NRXN3: variants seen among roughly 807,000 people sequenced by gnomAD.
NRXN3 encodes neurexin III.
NRXN3 carries 32 observed loss-of-function variants against 137.6 expected under a neutral mutation model. The observed-to-expected ratio is 0.23, with a 90% CI of 0.18 to 0.31. The LOEUF is 0.31. Ranked by LOEUF, NRXN3 falls within the 10% of genes least tolerant of loss-of-function variation. The pLI, the probability that NRXN3 is intolerant of heterozygous loss-of-function variation, is 1.00. For missense variants in NRXN3, 1,574 were observed against 2,062.5 expected, an observed-to-expected ratio of 0.76 and a Z score of 4.59; for synonymous variants, 798 against 784.5, an observed-to-expected ratio of 1.02 and a Z score of -0.29.
At chr14:79,755,532 A>ATT (rs568489887) in intron 19 of NRXN3, among the ~76,000 whole-genome samples, 23 of 140,544 alleles carry the variant, frequency 1.6e-4, no homozygotes, top group African/African-American at 4.9e-4. Flanking sequence ...AATACCGAAG[A>ATT]TTTTTTTTTT....
intron 4 of NRXN3, among the ~76,000 whole-genome samples, chr14:78,452,233 A>G (rs1464908775): frequency 6.6e-6 from 1 of 152,240 alleles, no homozygotes; most frequent in African/African-American, 2.4e-5. Flanking sequence ...GTCTCAGCTC[A>G]CCAGTCACTA....
intron 6 of NRXN3, among the ~76,000 whole-genome samples, chr14:78,706,231 T>G (rs2152820368): frequency 6.6e-6 from 1 of 152,300 alleles, no homozygotes; most frequent in Middle Eastern, 3.4e-3. Context: ...CCAAAGTTTG[T>G]TTATGACAAA....
intron 8 of NRXN3, among the ~76,000 whole-genome samples, chr14:78,718,440 A>G (rs2098444421): frequency 1.3e-5 from 2 of 152,154 alleles, no homozygotes; most frequent in African/African-American, 4.8e-5. Context: ...AAAATAGACC[A>G]ATGACCCAAG....
At chr14:79,647,610 T>G (rs1433244133) in intron 16 of NRXN3, among the ~76,000 whole-genome samples, 1 of 135,700 alleles carries the variant, frequency 7.4e-6, no homozygotes, top group African/African-American at 2.5e-5. Flanking sequence ...TAGATTTTGT[T>G]GTTGAGCCAC....
intron 4 of NRXN3, among the ~76,000 whole-genome samples, chr14:78,348,616 T>A (rs2083070027): frequency 6.6e-6 from 1 of 152,168 alleles, no homozygotes. Flanking sequence ...CTGCGTATCA[T>A]TCTTTGGGGC....
intron 15 of NRXN3, among the ~76,000 whole-genome samples, chr14:79,277,056 G>A (rs1003117756): frequency 6.6e-6 from 1 of 152,146 alleles, no homozygotes; most frequent in African/African-American, 2.4e-5. Context: ...GTGCTGTCAA[G>A]GAAATAAAAC....
intron 10 of NRXN3, among the ~76,000 whole-genome samples, chr14:78,946,167 G>T (rs1428221852): frequency 6.6e-6 from 1 of 152,194 alleles, no homozygotes; most frequent in Non-Finnish European, 1.5e-5. Flanking sequence ...TATGACTATT[G>T]TCTGGTGGTC....
intron 4 of NRXN3, among the ~76,000 whole-genome samples, chr14:78,299,675 G>A (rs1251058469): frequency 6.6e-6 from 1 of 152,260 alleles, no homozygotes; most frequent in East Asian, 1.9e-4. Context: ...CACTGATGCA[G>A]CATGGATATC....
At chr14:79,156,155 C>G (rs10133147) in intron 15 of NRXN3, among the ~76,000 whole-genome samples, 1 of 151,752 alleles carries the variant, frequency 6.6e-6, no homozygotes, top group Non-Finnish European at 1.5e-5. Context: ...GTGCTTTACA[C>G]GGATACTCTA....
chr14:78,429,148 T>A (rs2093775471), intron 4 of NRXN3, among the ~76,000 whole-genome samples: 1 of 152,056 alleles, frequency 6.6e-6, no homozygotes, highest in Non-Finnish European at 1.5e-5. Context: ...TAATCTTGGC[T>A]CACTGCAACC....
intron 16 of NRXN3, among the ~76,000 whole-genome samples, chr14:79,627,077 C>T (rs1403691448): frequency 6.6e-6 from 1 of 152,120 alleles, no homozygotes; most frequent in Non-Finnish European, 1.5e-5. Context: ...AAGCACCTCT[C>T]CCTTGGTAAC....
At chr14:78,775,376 C>G (rs1220356168) in intron 8 of NRXN3, among the ~76,000 whole-genome samples, 1 of 152,196 alleles carries the variant, frequency 6.6e-6, no homozygotes, top group African/African-American at 2.4e-5. Context: ...ACTTGTCTAA[C>G]CTGTGGCCCA....
intron 4 of NRXN3, among the ~76,000 whole-genome samples, chr14:78,573,629 A>T (rs1410829350): frequency 1.3e-5 from 2 of 152,228 alleles, no homozygotes; most frequent in African/African-American, 4.8e-5. Flanking sequence ...CTAAGCAGCA[A>T]ATCATTCAAG....
intron 4 of NRXN3, among the ~76,000 whole-genome samples, chr14:78,591,113 A>G (rs1408829434): frequency 6.6e-6 from 1 of 152,166 alleles, no homozygotes; most frequent in African/African-American, 2.4e-5. Flanking sequence ...CTTAACAGGA[A>G]GTAGTGAGCT....
At chr14:79,543,797 C>T (rs1421928562) in intron 16 of NRXN3, among the ~76,000 whole-genome samples, 1 of 152,172 alleles carries the variant, frequency 6.6e-6, no homozygotes, top group Non-Finnish European at 1.5e-5. Context: ...ACTCAGCTGC[C>T]ACTGGATTAT....
rs190492397 is a variant in NRXN3, at chr14:78,641,823, T to C, written c.758-3297T>C. On this transcript the variant is annotated intron_variant, in intron 4 of 20. Transcript: ENST00000335750. ...CTTCTTCGGTATAGTTGCATGGAGA[T>C]TAGCATAAATATGCATGTGATTTGC... 5.9e-5 allele frequency among the ~76,000 whole-genome samples: 9 copies of C among 152,364 alleles called. No homozygotes were observed. The East Asian group carries it at 1.2e-3, about 20-fold the overall frequency.
At chr14:78,399,703 T>G (rs990318569) in intron 4 of NRXN3, among the ~76,000 whole-genome samples, 2 of 152,252 alleles carry the variant, frequency 1.3e-5, no homozygotes, top group African/African-American at 2.4e-5. Context: ...GCATTGGCTA[T>G]TTTTGACAGT....
intron 4 of NRXN3, among the ~76,000 whole-genome samples, chr14:78,371,750 C>T (rs557949537): frequency 1.2e-4 from 19 of 152,282 alleles, no homozygotes; most frequent in Admixed American, 3.3e-4. Flanking sequence ...AGCGAAGTGG[C>T]GAGACGGGCC....
chr14:79,327,791 T>C (rs115228442), intron 15 of NRXN3, among the ~76,000 whole-genome samples: 3,186 of 152,330 alleles, frequency 0.021, 112 homozygotes, highest in African/African-American at 0.073. Flanking sequence ...TATCTTTCTT[T>C]GGTCCATTGG....
Sources: allele counts gnomAD v4.1 joint callset (sites outside exome capture counted in the v4.1 genomes callset), GRCh38; gene constraint gnomAD v4.1.1; transcripts MANE v1.5; gene names NCBI Gene and HGNC (gene_info 2026-07-23, HGNC 2026-07-21).